The following PRKN variants were observed in gnomAD, a reference collection of about 807,000 sequenced individuals.
PRKN encodes parkin RBR E3 ubiquitin protein ligase.
Under a neutral mutation model 59.5 loss-of-function variants are expected in PRKN, and 56 were observed. That is an observed-to-expected ratio of 0.94 (90% CI 0.76 to 1.18). The LOEUF (loss-of-function observed/expected upper bound fraction) is 1.18. Among genes scored for constraint, PRKN ranks in the 50% most tolerant of loss-of-function variants. PRKN has a pLI of 0.00. For missense variants in PRKN, 657 were observed against 596.4 expected, an observed-to-expected ratio of 1.10 and a Z score of -1.06; for synonymous variants, 250 against 222.1, an observed-to-expected ratio of 1.13 and a Z score of -1.12.
rs1449580984 is a variant in PRKN, at chr6:161,386,324, C to T, written c.1167+470G>A. Among the ~76,000 whole-genome samples the T allele has an allele frequency of 2.0e-5, 3 of 152,152 alleles. No individual in the cohort carries two copies. Among genetic ancestry groups the T allele is most frequent in the Admixed American group, 1.3e-4 (2 of 15,274 alleles). ...ATTCTTTACTTAATGAGGACTGAAA[C>T]ACCAGTTAGCATAGGGCATGATGCT... is the stretch of plus-strand genomic sequence containing the variant. On this transcript the variant is annotated intron_variant, in intron 10 of 11. Coordinates refer to ENST00000366898, the MANE Select transcript of PRKN (RefSeq NM_004562.3). This position sits in a 1 kb window ranked among gnomAD's most constrained non-coding sequence, Gnocchi z 4.3.
intron 3 of PRKN, among the ~76,000 whole-genome samples, chr6:162,239,054 C>T (rs1778871851): frequency 6.6e-6 from 1 of 152,164 alleles, no homozygotes; most frequent in Non-Finnish European, 1.5e-5. Flanking sequence ...TAGCATACTT[C>T]TCTGAATGTA....
chr6:161,837,774 A>G (rs1338897815), intron 6 of PRKN, among the ~76,000 whole-genome samples: 1 of 152,180 alleles, frequency 6.6e-6, no homozygotes, highest in African/African-American at 2.4e-5. Context: ...AATAAGTCTG[A>G]AGAAGGAGAA....
chr6:162,165,104 A>C (rs1782920059), intron 4 of PRKN, among the ~76,000 whole-genome samples: 1 of 148,960 alleles, frequency 6.7e-6, no homozygotes, highest in Admixed American at 6.7e-5. Flanking sequence ...AATGTATCAT[A>C]GTCATCCAAA....
At chr6:162,559,067 C>T (rs373349872) in intron 1 of PRKN, among the ~76,000 whole-genome samples, 198 of 147,140 alleles carry the variant, frequency 1.3e-3, no homozygotes, top group South Asian at 0.011. Context: ...AGGAGAATGG[C>T]GTGAACCCAG....
rs1778015570 is a variant in PRKN, at chr6:161,502,930, T to G, written c.1083+45924A>C. Among the ~76,000 whole-genome samples, 1 of 152,180 alleles carries G rather than the reference T, an allele frequency of 6.6e-6. No homozygotes were observed. The highest frequency in any genetic ancestry group is 2.4e-5 in the African/African-American group (1 of 41,444). On this transcript the variant is annotated intron_variant, in intron 9 of 11. Transcript: ENST00000366898. This position sits in a 1 kb window ranked among gnomAD's most constrained non-coding sequence, Gnocchi z 4.0. ...TGCTTTAACCTTCACTTTCTTCATTTTAATTGTAGGAGGAGAACAGCACTT... is the reference window on the plus strand; with the variant it reads ...TGCTTTAACCTTCACTTTCTTCATTGTAATTGTAGGAGGAGAACAGCACTT...
In PRKN at chr6:161,360,352, G is replaced by T; in HGVS notation, c.1168-147C>A. ...CTAAATATCAATGCACTTGACAAATGCTAGACAGCTACTAGGCGGATGGGG... is the reference window on the plus strand; with the variant it reads ...CTAAATATCAATGCACTTGACAAATTCTAGACAGCTACTAGGCGGATGGGG... On this transcript the variant is annotated intron_variant, in intron 10 of 11. Coordinates refer to ENST00000366898, the MANE Select transcript of PRKN (RefSeq NM_004562.3). This position sits in a 1 kb window ranked among gnomAD's most constrained non-coding sequence, Gnocchi z 5.1. 1 of 718,734 alleles carries T rather than the reference G, an allele frequency of 1.4e-6. No individual in the cohort carries two copies. Among genetic ancestry groups the T allele is most frequent in the Non-Finnish European group, 2.5e-6 (1 of 395,524 alleles). 44.5% of individuals were successfully genotyped at this position (718,734 alleles called of 1,614,324 possible).
rs1445375565 is a variant in PRKN, at chr6:161,369,798, T to C, written c.1168-9593A>G. Among the ~76,000 whole-genome samples, 1 of 151,890 alleles carries C rather than the reference T, an allele frequency of 6.6e-6. No homozygotes were observed. Among genetic ancestry groups the C allele is most frequent in the Non-Finnish European group, 1.5e-5 (1 of 67,960 alleles). ...TACTTATATATAGATGTTTCATATA[T>C]ATATTTCATATGATTATAGGAAATA... On this transcript the variant is annotated intron_variant, in intron 10 of 11. Transcript: ENST00000366898. The surrounding 1 kb of genome is among the most constrained non-coding windows in gnomAD (Gnocchi z 5.8).
Position 162,564,343 on chromosome 6 carries a change from C to CA in PRKN, c.8-120871dup, listed in dbSNP as rs550431458. On this transcript the variant is annotated intron_variant, in intron 1 of 11. Coordinates refer to ENST00000366898, the MANE Select transcript of PRKN (RefSeq NM_004562.3). ...CTGGCAATAGAGCAAGACTCCATCT[C>CA]AAAAAAAAAAGAACAAAAACAAAAA... Among the ~76,000 whole-genome samples the CA allele has an allele frequency of 1.7e-3, 252 of 144,610 alleles. 1 individual carries two copies. The highest frequency in any genetic ancestry group is 0.014 in the South Asian group (63 of 4,488). 94.9% of individuals were successfully genotyped at this position (144,610 alleles called of 152,430 possible).
chr6:161,873,325 T>G (rs928883107), intron 6 of PRKN, among the ~76,000 whole-genome samples: 1 of 151,956 alleles, frequency 6.6e-6, no homozygotes, highest in Non-Finnish European at 1.5e-5. Context: ...ATGCTTACTC[T>G]GAAGTTAGAT....
intron 6 of PRKN, among the ~76,000 whole-genome samples, chr6:161,943,243 C>T (rs368410437): frequency 2.6e-5 from 4 of 152,168 alleles, no homozygotes; most frequent in Non-Finnish European, 4.4e-5. Context: ...GAAGTTGACG[C>T]GAAGCTGAAA....
chr6:162,086,733 C>A (rs1256940624), intron 4 of PRKN, among the ~76,000 whole-genome samples: 1 of 152,166 alleles, frequency 6.6e-6, no homozygotes, highest in African/African-American at 2.4e-5. Context: ...TCTTCAAATA[C>A]TTCTCCTTAG....
intron 1 of PRKN, among the ~76,000 whole-genome samples, chr6:162,514,137 A>G (rs777321797): frequency 1.3e-5 from 2 of 152,238 alleles, no homozygotes; most frequent in Non-Finnish European, 2.9e-5. Flanking sequence ...AACTAATTAT[A>G]AATTTTGCAG....
chr6:161,744,737 G>A (rs958878782), intron 7 of PRKN, among the ~76,000 whole-genome samples: 3 of 152,150 alleles, frequency 2.0e-5, no homozygotes, highest in Non-Finnish European at 1.5e-5. Context: ...TTCCATTAAC[G>A]TTTTGTCAAG....
At chr6:162,095,885 T>C (rs932462209) in intron 4 of PRKN, among the ~76,000 whole-genome samples, 4 of 152,162 alleles carry the variant, frequency 2.6e-5, no homozygotes, top group Non-Finnish European at 5.9e-5. Context: ...ACAGCGATAC[T>C]AAGTTCAGAG....
At chr6:162,682,308 T>C (rs563171878) in intron 1 of PRKN, among the ~76,000 whole-genome samples, 3 of 152,102 alleles carry the variant, frequency 2.0e-5, no homozygotes, top group South Asian at 4.1e-4. Context: ...CAGGCACTCA[T>C]AGGTTCATCG....
At chr6:162,347,082 G>A (rs1202556803) in intron 2 of PRKN, among the ~76,000 whole-genome samples, 1 of 150,730 alleles carries the variant, frequency 6.6e-6, no homozygotes, top group Non-Finnish European at 1.5e-5. Flanking sequence ...GCTTTTTAAA[G>A]AGCAAACTAT....
chr6:161,625,976 G>A (rs1332660187), intron 7 of PRKN, among the ~76,000 whole-genome samples: 8 of 152,138 alleles, frequency 5.3e-5, no homozygotes, highest in Non-Finnish European at 4.4e-5. Flanking sequence ...ACAGTATAAA[G>A]TAAAATTAAA....
intron 1 of PRKN, among the ~76,000 whole-genome samples, chr6:162,644,969 T>C (rs1002523406): frequency 5.3e-5 from 8 of 152,146 alleles, no homozygotes; most frequent in Non-Finnish European, 1.2e-4. Context: ...TCTTAGAATA[T>C]AGTAATAGTC....
At chr6:161,754,571 A>C (rs972592873) in intron 7 of PRKN, among the ~76,000 whole-genome samples, 1 of 151,982 alleles carries the variant, frequency 6.6e-6, no homozygotes, top group African/African-American at 2.4e-5. Context: ...CTAAGACTGG[A>C]GGGTCCCTGC....
Sources: gnomAD v4.1 joint callset for allele counts (sites outside exome capture counted in the v4.1 genomes callset) on GRCh38, gnomAD v4.1.1 for gene constraint, Gnocchi (gnomAD v3.1) non-coding constraint, MANE v1.5 for transcripts, NCBI Gene and HGNC (gene_info 2026-07-23, HGNC 2026-07-21) for gene names.